The following TMEM74 variants were observed in gnomAD, a reference collection of about 807,000 sequenced individuals.
TMEM74 encodes the protein transmembrane protein 74.
TMEM74 carries 13 observed loss-of-function variants against 18.1 expected under a neutral mutation model. That is an observed-to-expected ratio of 0.72 (90% CI 0.47 to 1.14). TMEM74 has a LOEUF of 1.14. Ranked by LOEUF, TMEM74 falls within the 50% of genes most tolerant of loss-of-function variation. The pLI, the probability that TMEM74 is intolerant of heterozygous loss-of-function variation, is 0.00. For missense variants in TMEM74, 372 were observed against 375.9 expected (o/e 0.99, Z 0.09); for synonymous variants, 159 against 146.6 (o/e 1.08, Z -0.61).
intron 1 of TMEM74, among the ~76,000 whole-genome samples, chr8:108,731,411 T>G (rs1303062048): frequency 6.6e-6 from 1 of 152,168 alleles, no homozygotes; most frequent in African/African-American, 2.4e-5. Context: ...TTAGCAAAAA[T>G]TACTCATCAC....
rs4034229 is a variant in TMEM74, at chr8:108,752,043, T to TTGAA, written n.119+35429_119+35432dup. ...GTGCCTGGGCAATCAATTAATGTTG[T>TTGAA]TGAATGAATGAATGAATGAATGAAT... On this transcript the variant is annotated intron_variant and non_coding_transcript_variant, in intron 1 of 3. Transcript: ENST00000518838. 2.2e-3 allele frequency among the ~76,000 whole-genome samples: 338 copies of TTGAA among 151,216 alleles called. 1 individual carries two copies. Among genetic ancestry groups the TTGAA allele is most frequent in the South Asian group, 4.2e-3 (20 of 4,796 alleles).
intron 1 of TMEM74, among the ~76,000 whole-genome samples, chr8:108,734,416 G>A (rs1813725323): frequency 6.6e-6 from 1 of 152,070 alleles, no homozygotes; most frequent in Non-Finnish European, 1.5e-5. Flanking sequence ...CCTTTCATCA[G>A]TCTATCTATC....
rs1250036314 is a variant in TMEM74 at position 108,745,611 on chromosome 8, T to G, written n.119+41865A>C. ...TACATATATGTAAGTAGTTGCTAAG[T>G]TGTGTAAAATCATAGTGGAATATCT... On this transcript the variant is annotated intron_variant and non_coding_transcript_variant, in intron 1 of 3. Transcript: ENST00000518838. Among the ~76,000 whole-genome samples the G allele has an allele frequency of 2.0e-5, 3 of 152,102 alleles. No individual in the cohort carries two copies. In the East Asian group the frequency reaches 5.8e-4, roughly 29 times the overall value.
At chr8:108,617,757 T>A (rs1482219200) in intron 2 of TMEM74, among the ~76,000 whole-genome samples, 1 of 151,900 alleles carries the variant, frequency 6.6e-6, no homozygotes, top group African/African-American at 2.4e-5. Flanking sequence ...TCAGAGAAGG[T>A]CTTGGAAAGA....
At chr8:108,692,719 A>C (rs768128726) in intron 1 of TMEM74, among the ~76,000 whole-genome samples, 1 of 151,830 alleles carries the variant, frequency 6.6e-6, no homozygotes, top group African/African-American at 2.4e-5. Flanking sequence ...CAACAAAAAC[A>C]AACAAACAAA....
chr8:108,622,080 C>A (rs553074786), intron 2 of TMEM74, among the ~76,000 whole-genome samples: 2 of 152,216 alleles, frequency 1.3e-5, no homozygotes, highest in African/African-American at 4.8e-5. Flanking sequence ...ACGTAATCTA[C>A]TCAAATTTTG....
At chr8:108,755,717 T>A (rs1464934652) in intron 1 of TMEM74, among the ~76,000 whole-genome samples, 1 of 152,086 alleles carries the variant, frequency 6.6e-6, no homozygotes, top group Non-Finnish European at 1.5e-5. Flanking sequence ...AATTAGCAAC[T>A]AAATGTCAAA....
chr8:108,681,326 T>A (rs541913108), intron 1 of TMEM74, among the ~76,000 whole-genome samples: 1 of 151,840 alleles, frequency 6.6e-6, no homozygotes, highest in Non-Finnish European at 1.5e-5. Context: ...GAGATATAGA[T>A]CAATGGAACA....
In TMEM74 at chr8:108,662,588, T is replaced by C. The variant is rs565667172; in HGVS notation, n.120-7151A>G. Among the ~76,000 whole-genome samples the C allele has an allele frequency of 4.7e-4, 71 of 152,252 alleles. 1 individual carries two copies. The highest frequency in any genetic ancestry group is 8.3e-4 in the South Asian group (4 of 4,820). On this transcript the variant is annotated intron_variant and non_coding_transcript_variant, in intron 1 of 3. Transcript: ENST00000518838. ...AGTTTTTCTTCTGGATGTATTACCA[T>C]GGTCAGCCTGGCTCCATAGATGCCC...
chr8:108,756,410 A>T (rs1326261801), intron 1 of TMEM74, among the ~76,000 whole-genome samples: 1 of 151,498 alleles, frequency 6.6e-6, no homozygotes, highest in African/African-American at 2.4e-5. Flanking sequence ...CAGTAAGTGT[A>T]TTCTTGGTAT....
At chr8:108,746,486 C>T (rs1813849202) in intron 1 of TMEM74, among the ~76,000 whole-genome samples, 1 of 151,996 alleles carries the variant, frequency 6.6e-6, no homozygotes, top group African/African-American at 2.4e-5. Context: ...ACTAGTACCT[C>T]CTGGCAATGG....
At chr8:108,787,175 TA>T (rs1306589130) in intron 1 of TMEM74, among the ~76,000 whole-genome samples, 1 of 152,162 alleles carries the variant, frequency 6.6e-6, no homozygotes, top group Non-Finnish European at 1.5e-5. Context: ...ATATTTGCTT[TA>T]AACTGACACA....
At chr8:108,656,188 C>T (rs1194789064) in intron 1 of TMEM74, among the ~76,000 whole-genome samples, 2 of 152,198 alleles carry the variant, frequency 1.3e-5, no homozygotes, top group Non-Finnish European at 1.5e-5. Flanking sequence ...TCCTTCTTCT[C>T]CCCTTGGTCT....
chr8:108,718,224 C>T lies in TMEM74; in HGVS notation n.120-62787G>A. Among the ~76,000 whole-genome samples, 2 of 71,058 alleles carry T rather than the reference C, an allele frequency of 2.8e-5. 1 individual carries two copies. The highest frequency in any genetic ancestry group is 1.0e-3 in the South Asian group (2 of 1,998). 46.6% of individuals were successfully genotyped at this position (71,058 alleles called of 152,430 possible). A position where few individuals can be genotyped will look rare whatever the true frequency, so the allele number is the denominator to read the frequency against. On this transcript the variant is annotated intron_variant and non_coding_transcript_variant, in intron 1 of 3. Coordinates refer to the TMEM74 transcript ENST00000518838. ...CCGCCCGCCTCGGCCTCCCAAAGTG[C>T]TGGGATTACAGGCGTGAGCCACCGC... is the stretch of plus-strand genomic sequence containing the variant.
At chr8:108,704,218 C>T (rs1813368791) in intron 1 of TMEM74, among the ~76,000 whole-genome samples, 2 of 152,168 alleles carry the variant, frequency 1.3e-5, no homozygotes, top group Non-Finnish European at 2.9e-5. Context: ...TATTAGGTTT[C>T]CTCCTTTCAA....
At chr8:108,680,503 G>A (rs1813101553) in intron 1 of TMEM74, among the ~76,000 whole-genome samples, 1 of 152,162 alleles carries the variant, frequency 6.6e-6, no homozygotes, top group Non-Finnish European at 1.5e-5. Flanking sequence ...ATTAGGTACT[G>A]ATGGGATGTA....
intron 1 of TMEM74, among the ~76,000 whole-genome samples, chr8:108,741,135 T>C (rs1185003633): frequency 6.6e-6 from 1 of 152,168 alleles, no homozygotes; most frequent in Non-Finnish European, 1.5e-5. Flanking sequence ...AGCAAAATTA[T>C]ACAATATATT....
At chr8:108,714,803 A>T (rs1446226613) in intron 1 of TMEM74, among the ~76,000 whole-genome samples, 1 of 152,222 alleles carries the variant, frequency 6.6e-6, no homozygotes, top group Non-Finnish European at 1.5e-5. Flanking sequence ...AAACTGGATA[A>T]AGAAAATGTG....
intron 1 of TMEM74, among the ~76,000 whole-genome samples, chr8:108,662,141 C>G (rs1040654022): frequency 6.6e-6 from 1 of 151,948 alleles, no homozygotes; most frequent in Non-Finnish European, 1.5e-5. Flanking sequence ...GGAGATAGAG[C>G]CTTCCACAGT....
Sources: gnomAD v4.1 joint callset for allele counts (sites outside exome capture counted in the v4.1 genomes callset) on GRCh38, gnomAD v4.1.1 for gene constraint, MANE v1.5 for transcripts, NCBI Gene and HGNC (gene_info 2026-07-23, HGNC 2026-07-21) for gene names.